The following ZNF443 variants were observed in gnomAD, a reference collection of about 807,000 sequenced individuals.
The protein encoded by ZNF443 is Kruppel-type zinc finger (C2H2).
A neutral mutation model predicts 12.0 loss-of-function variants in ZNF443; 3 were observed. The ratio of observed to expected loss-of-function variants is 0.25; its 90% confidence interval spans 0.11 to 0.64. The LOEUF is 0.64. Among genes scored for constraint, ZNF443 ranks in the 30% least tolerant of loss-of-function variants. ZNF443 has a pLI of 0.84. For synonymous variants in ZNF443, 225 were observed against 265.9 expected, an observed-to-expected ratio of 0.85 and a Z score of 1.50; for missense variants, 770 against 808.8, an observed-to-expected ratio of 0.95 and a Z score of 0.58.
chr19:12,434,891 T>C (rs1173350300), intron 1 of ZNF443, among the ~76,000 whole-genome samples: 1 of 151,544 alleles, frequency 6.6e-6, no homozygotes, highest in Non-Finnish European at 1.5e-5. Flanking sequence ...TATTTGCAAA[T>C]TATTGCCTTG....
intron 2 of ZNF443, among the ~76,000 whole-genome samples, chr19:12,432,704 C>T (rs2432252): frequency 0.15 from 15,082 of 102,310 alleles, 1,545 homozygotes; most frequent in South Asian, 0.26. Flanking sequence ...AAAACCTTTC[C>T]GAGGATGCAC....
In ZNF443 at chr19:12,429,723, A is replaced by T. The variant is rs569927725; in HGVS notation, c.*433T>A. On this transcript the variant is annotated 3_prime_UTR_variant, in exon 4 of 4. Transcript: ENST00000301547. ...GAAATAGGTGAGAGTTGAAACAAAG[A>T]AACTTTAATGTTCTGGCTGACTACA... 29 of 200,496 alleles carry T rather than the reference A, an allele frequency of 1.4e-4. No individual in the cohort carries two copies. Among genetic ancestry groups the T allele is most frequent in the Non-Finnish European group, 2.6e-4 (25 of 97,946 alleles). The allele number at this position is 200,496 out of a possible 1,614,324, so 12.4% of individuals were successfully genotyped here.
At chr19:12,436,253 T>G (rs1224450022) in intron 1 of ZNF443, among the ~76,000 whole-genome samples, 3 of 142,256 alleles carry the variant, frequency 2.1e-5, no homozygotes, top group African/African-American at 5.4e-5. Context: ...GGCCAAGGTG[T>G]GTGGATCACC....
chr19:12,438,526 G>T (rs969973977), intron 1 of ZNF443, among the ~76,000 whole-genome samples: 1 of 152,148 alleles, frequency 6.6e-6, no homozygotes, highest in African/African-American at 2.4e-5. Context: ...CTTTTAAAAA[G>T]GAGAAGAACT....
At chr19:12,436,221 C>T (rs1283473270) in intron 1 of ZNF443, among the ~76,000 whole-genome samples, 1 of 135,328 alleles carries the variant, frequency 7.4e-6, no homozygotes, top group African/African-American at 3.0e-5. Flanking sequence ...TGGCTCACAC[C>T]TATAATCCCA....
chr19:12,438,057 T>C (rs1970331442), intron 1 of ZNF443, among the ~76,000 whole-genome samples: 1 of 149,472 alleles, frequency 6.7e-6, no homozygotes. Context: ...GCTGAGATCG[T>C]GCCACTGCAC....
At chr19:12,439,841 C>G (rs1293009640) in intron 1 of ZNF443, among the ~76,000 whole-genome samples, 1 of 152,024 alleles carries the variant, frequency 6.6e-6, no homozygotes, top group African/African-American at 2.4e-5. Flanking sequence ...TAGCTGAAAA[C>G]AAGATGACAA....
At chr19:12,439,086 A>G (rs559092921) in intron 1 of ZNF443, among the ~76,000 whole-genome samples, 22 of 152,132 alleles carry the variant, frequency 1.4e-4, no homozygotes, top group African/African-American at 5.3e-4. Context: ...CCCTCCTAGG[A>G]GACACTCACC....
In ZNF443 at chr19:12,431,914, C is replaced by A; in HGVS notation, c.258G>T (p.Gln86His). 6.2e-7 allele frequency: 1 copy of A among 1,612,916 alleles called. No individual in the cohort carries two copies. The highest frequency in any genetic ancestry group is 8.5e-7 in the Non-Finnish European group (1 of 1,179,476). Residue 86 changes from glutamine to histidine, a missense_variant, in exon 4 of 4, where the codon CAG (glutamine) becomes CAT (histidine). Gln to His is a conservative substitution (Grantham distance 24). Coordinates refer to ENST00000301547, the MANE Select transcript of ZNF443 (RefSeq NM_005815.5). ...TCTTGGTCACAATACTATCTTGAAT[C>A]TGGCTAGATGTTTCTCCACATTGAG... Reference protein sequence around the residue: ...DGTQCGETSSQIQDSIVTKNT... With the variant: ...DGTQCGETSSHIQDSIVTKNT...
intron 1 of ZNF443, among the ~76,000 whole-genome samples, chr19:12,435,516 G>A (rs971827008): frequency 5.9e-5 from 9 of 152,324 alleles, no homozygotes; most frequent in African/African-American, 2.2e-4. Context: ...AAAGCCCCAT[G>A]CATGCACAGT....
chr19:12,437,751 A>C (rs1012717797), intron 1 of ZNF443, among the ~76,000 whole-genome samples: 1 of 152,056 alleles, frequency 6.6e-6, no homozygotes, highest in African/African-American at 2.4e-5. Flanking sequence ...ACACAGGTAC[A>C]TTAAATATAA....
intron 1 of ZNF443, 143 bp downstream of exon 1, chr19:12,440,769 C>T: frequency 7.1e-7 from 1 of 1,412,226 alleles, no homozygotes. Context: ...CACCCTGCGG[C>T]CGAGGGCCGA....
chr19:12,431,291 C>G lies in ZNF443; in HGVS notation c.881G>C (p.Ser294Thr), dbSNP rs1355716327. ...AGTTCTTTCATGTATTAGACAAGAA[C>G]TGGAATCAGGGAAGGCTTTAGAACA... Reference protein sequence around the residue: ...KQCSKAFPDSSSCLIHERTHT... With the variant: ...KQCSKAFPDSTSCLIHERTHT... The change falls in exon 4 of 4, where the codon AGT becomes ACT. Residue 294 changes from serine to threonine, a missense_variant. Physicochemically the swap from Ser to Thr is moderately conservative, Grantham distance 58. Coordinates refer to ENST00000301547, the MANE Select transcript of ZNF443 (RefSeq NM_005815.5). 6.2e-7 allele frequency: 1 copy of G among 1,614,108 alleles called. No individual in the cohort carries two copies. The highest frequency in any genetic ancestry group is 1.3e-5 in the African/African-American group (1 of 75,054).
At chr19:12,433,862 A>G (rs1287928519) in intron 1 of ZNF443, among the ~76,000 whole-genome samples, 2 of 152,116 alleles carry the variant, frequency 1.3e-5, no homozygotes, top group Non-Finnish European at 2.9e-5. Context: ...AAAGAAAAAA[A>G]AAGTGGGGGC....
rs4099206 is a variant in ZNF443 at position 12,439,151 on chromosome 19, A to C, written c.3+1761T>G. Among the ~76,000 whole-genome samples the C allele has an allele frequency of 3.1e-3, 470 of 152,268 alleles. 2 individuals are homozygous for C. Among genetic ancestry groups the C allele is most frequent in the African/African-American group, 9.6e-3 (399 of 41,546 alleles). ...TTTTCAGGATCTTGCACTACCTCAA[A>C]GGGCAGGTTCTCCAGTCCTTAGATA... is the stretch of plus-strand genomic sequence containing the variant. On this transcript the variant is annotated intron_variant, in intron 1 of 3. Transcript: ENST00000301547.
chr19:12,436,322 C>A (rs8103537), intron 1 of ZNF443, among the ~76,000 whole-genome samples: 42,776 of 141,630 alleles, frequency 0.3, 6,933 homozygotes, highest in South Asian at 0.43. Context: ...CTCTACTAAA[C>A]ATACAAAATT....
Position 12,429,817 on chromosome 19 carries a change from T to A in ZNF443, c.*339A>T. On this transcript the variant is annotated 3_prime_UTR_variant, in exon 4 of 4. Transcript: ENST00000301547. ...CATAGACTCTTTTCCTTATCATGAT[T>A]CCCTAAACAATACAATAGAACAACT... 1 of 376,460 alleles carries A rather than the reference T, an allele frequency of 2.7e-6. No homozygotes were observed. Among genetic ancestry groups the A allele is most frequent in the Non-Finnish European group, 4.8e-6 (1 of 208,846 alleles). The allele number at this position is 376,460 out of a possible 1,614,324, so 23.3% of individuals were successfully genotyped here. A position where few individuals can be genotyped will look rare whatever the true frequency, so the allele number is the denominator to read the frequency against.
At position 12,431,513 on chromosome 19, in the gene ZNF443, G is replaced by A. The variant is rs1970253797; in HGVS notation, c.659C>T (p.Thr220Ile). The change falls in exon 4 of 4, where the codon ACT becomes ATT. Residue 220 changes from threonine (T) to isoleucine (I), a missense_variant. This residue lies in a region of ZNF443 where 736 missense variants were observed against 689.4 expected (regional missense o/e 1.07). Transcript: ENST00000301547. Reference sequence around the variant, plus strand: ...CTTACATTCATATGGTTTCTCTCCAGTGTGCGTTCTTTCATGCATATGTAA... The same window carrying A: ...CTTACATTCATATGGTTTCTCTCCAATGTGCGTTCTTTCATGCATATGTAA... ...SLLHMHERTH[T>I]GEKPYECKQC... The A allele has an allele frequency of 1.2e-6, 2 of 1,614,126 alleles. No individual in the cohort carries two copies. Among genetic ancestry groups the A allele is most frequent in the Non-Finnish European group, 1.7e-6 (2 of 1,179,988 alleles).
In ZNF443 at chr19:12,429,971, G is replaced by A. The variant is rs1970231630; in HGVS notation, c.*185C>T. 1 of 892,108 alleles carries A rather than the reference G, an allele frequency of 1.1e-6. No individual in the cohort carries two copies. The allele number at this position is 892,108 out of a possible 1,614,324, so 55.3% of individuals were successfully genotyped here. A position where few individuals can be genotyped will look rare whatever the true frequency, so the allele number is the denominator to read the frequency against. On this transcript the variant is annotated 3_prime_UTR_variant, in exon 4 of 4. Coordinates refer to ENST00000301547, the MANE Select transcript of ZNF443 (RefSeq NM_005815.5). ...TAAAAGGGACTGGACATGGCTCACG[G>A]AGTGCTGGAACCAATACCCAGCAGG...
Sources: gnomAD v4.1 joint callset for allele counts (sites outside exome capture counted in the v4.1 genomes callset) on GRCh38, gnomAD v4.1.1 for gene constraint, gnomAD v4.1.1 regional missense constraint, MANE v1.5 for transcripts, NCBI Gene and HGNC (gene_info 2026-07-23, HGNC 2026-07-21) for gene names.